Variants in TUBB8B observed in about 807,000 individuals in gnomAD.
The protein encoded by TUBB8B is HSA18p11 beta-tubulin 4Q pseudogene.
TUBB8B carries 26 observed loss-of-function variants against 31.9 expected under a neutral mutation model. The ratio of observed to expected loss-of-function variants is 0.81; its 90% CI spans 0.60 to 1.13. TUBB8B has a LOEUF of 1.13. Ranked by LOEUF, TUBB8B falls within the 50% of genes most tolerant of loss-of-function variation. The probability of loss-of-function intolerance (pLI) is 0.00; values close to 1 mark genes in which losing one functional copy is unlikely to be tolerated. For synonymous variants in TUBB8B, 173 were observed against 231.0 expected (o/e 0.75, Z 2.28); for missense variants, 467 against 586.7 (o/e 0.80, Z 2.11).
At position 47,986 on chromosome 18, in the gene TUBB8B, T is replaced by TCA. The variant is rs1905751928; in HGVS notation, c.737_738dup (p.Asn247Ter). On this transcript the variant is annotated frameshift_variant, in exon 4 of 4. Transcript: ENST00000308911. LOFTEE classifies it high-confidence loss of function. ...ACGGCCAGCTTCCGCAGGTCAGCATTCAGCTGGCCTGGGAAGCGCAGGCAT... is the reference window on the plus strand; with the variant it reads ...ACGGCCAGCTTCCGCAGGTCAGCATTCACAGCTGGCCTGGGAAGCGCAGGCAT... 1 of 1,611,938 alleles carries TCA rather than the reference T, an allele frequency of 6.2e-7. No individual in the cohort carries two copies. The highest frequency in any genetic ancestry group is 1.3e-5 in the African/African-American group (1 of 74,902).
chr18:69,776 A>G, the TUBB8B span, among the ~76,000 whole-genome samples: 2 of 152,266 alleles, frequency 1.3e-5, no homozygotes, highest in Non-Finnish European at 2.9e-5. Flanking sequence ...TATTTTTAAA[A>G]TATTATTGAT....
At chr18:66,969 T>C in the TUBB8B span, among the ~76,000 whole-genome samples, 1 of 151,890 alleles carries the variant, frequency 6.6e-6, no homozygotes, top group Non-Finnish European at 1.5e-5. Context: ...AAATTTTCCA[T>C]GTACAAGTTA....
At chr18:49,780 T>C, upstream of TUBB8B, 1 of 659,406 alleles carries the variant, frequency 1.5e-6, no homozygotes, top group Non-Finnish European at 2.8e-6. Flanking sequence ...GTCCTTGCTA[T>C]GGTCCCTTCC....
the TUBB8B span, among the ~76,000 whole-genome samples, chr18:56,026 G>T: frequency 6.6e-6 from 1 of 151,992 alleles, no homozygotes; most frequent in South Asian, 2.1e-4. Flanking sequence ...AAGAAATAGT[G>T]TTGTAGTTTC....
At chr18:56,580 T>C in the TUBB8B span, among the ~76,000 whole-genome samples, 1,244 of 152,020 alleles carry the variant, frequency 8.2e-3, 22 homozygotes, top group African/African-American at 0.012. Flanking sequence ...TTTGTGGCTA[T>C]TGCAAATAGG....
chr18:58,019 G>GGCA, the TUBB8B span, among the ~76,000 whole-genome samples: 3 of 151,730 alleles, frequency 2.0e-5, 1 homozygote, highest in Non-Finnish European at 2.9e-5. Flanking sequence ...GGCTACCCAA[G>GGCA]GCAGCAGTTC....
At chr18:61,564 T>G in the TUBB8B span, among the ~76,000 whole-genome samples, 2 of 151,658 alleles carry the variant, frequency 1.3e-5, no homozygotes, top group Non-Finnish European at 2.9e-5. Flanking sequence ...AGGTGATTTA[T>G]ATTTTAATAT....
chr18:49,187 G>A lies in TUBB8B; in HGVS notation c.108C>T (p.Tyr36=), dbSNP rs774699438. Residue 36 remains tyrosine, a synonymous_variant, in exon 2 of 4, where the codon TAC becomes TAT. Transcript: ENST00000308911. ...CCAGCTGCAGGTGGCTGTCCCCGTG[G>A]TAGGTGCCAGCGGAGTCGATGGCAT... ...DEHAIDSAGT[Y]HGDSHLQLER... 9.9e-6 allele frequency: 15 copies of A among 1,522,694 alleles called. No individual in the cohort carries two copies. The South Asian group carries it at 1.7e-4, about 17-fold the overall frequency. 94.3% of individuals were successfully genotyped at this position (1,522,694 alleles called of 1,614,324 possible).
chr18:48,183 T>TCCA lies in TUBB8B; in HGVS notation c.539_541dup (p.Val180dup). On this transcript the variant is annotated inframe_insertion, in exon 4 of 4. Coordinates refer to ENST00000308911, the MANE Select transcript of TUBB8B (RefSeq NM_001358689.2). ...GACTGAGAGGGTGGCGTTGTAGGGCTCCACCACGGTGTCCGACACCTTGGG... is the reference window on the plus strand; with the variant it reads ...GACTGAGAGGGTGGCGTTGTAGGGCTCCACCACCACGGTGTCCGACACCTTGGG... 6.2e-7 allele frequency: 1 copy of TCCA among 1,612,344 alleles called. No individual in the cohort carries two copies. The highest frequency in any genetic ancestry group is 8.5e-7 in the Non-Finnish European group (1 of 1,178,300).
Position 48,050 on chromosome 18 carries a change from C to A in TUBB8B, c.675G>T (p.Leu225=), listed in dbSNP as rs1905765177. 1.2e-6 allele frequency: 2 copies of A among 1,613,332 alleles called. No homozygotes were observed. The highest frequency in any genetic ancestry group is 1.7e-6 in the Non-Finnish European group (2 of 1,179,894). The change falls in exon 4 of 4, where the codon CTG becomes CTT. Residue 225 remains leucine (L), a synonymous_variant. Transcript: ENST00000308911. ...TCATGGTAGCAGACACCAGGTGGTT[C>A]AGGTCACCATAGGTGGGTGTGGGCA... ...LKLPTPTYGD[L]NHLVSATMSG...
chr18:71,158 G>A, the TUBB8B span, among the ~76,000 whole-genome samples: 1 of 151,760 alleles, frequency 6.6e-6, no homozygotes, highest in African/African-American at 2.4e-5. Flanking sequence ...TGGAGCCCGG[G>A]AGGTTGAGGC....
At chr18:56,843 T>C in the TUBB8B span, among the ~76,000 whole-genome samples, 1 of 151,934 alleles carries the variant, frequency 6.6e-6, no homozygotes. Flanking sequence ...CTTCTGCTTC[T>C]GGTCAAGCCT....
chr18:60,443 C>A, the TUBB8B span, among the ~76,000 whole-genome samples: 1 of 151,416 alleles, frequency 6.6e-6, no homozygotes, highest in Admixed American at 6.6e-5. Context: ...TGATCTTTTG[C>A]ACTGTTTTCT....
chr18:61,699 A>G, the TUBB8B span, among the ~76,000 whole-genome samples: 3 of 151,352 alleles, frequency 2.0e-5, no homozygotes, highest in Non-Finnish European at 4.4e-5. Flanking sequence ...CATTGATTGC[A>G]TAAACAAAGA....
At chr18:68,136 T>A in the TUBB8B span, among the ~76,000 whole-genome samples, 5 of 152,192 alleles carry the variant, frequency 3.3e-5, no homozygotes, top group African/African-American at 1.2e-4. Flanking sequence ...ATGTCGTCTC[T>A]GCTTTATTGC....
rs373228141 is a variant in TUBB8B at position 49,445 on chromosome 18, T to C, written c.57+56A>G. ...GGCACCGCTCCCGCCACTGCCAACA[T>C]CTTCCCCAGCCACCCGGCAGGCCCG... is the stretch of plus-strand genomic sequence containing the variant. On this transcript the variant is annotated intron_variant, in intron 1 of 3. Coordinates refer to ENST00000308911, the MANE Select transcript of TUBB8B (RefSeq NM_001358689.2). The C allele has an allele frequency of 5.5e-4, 519 of 936,082 alleles. 8 individuals are homozygous for C. In the East Asian group the frequency reaches 9.9e-3, roughly 18 times the overall value. 58.0% of individuals were successfully genotyped at this position (936,082 alleles called of 1,614,324 possible).
the TUBB8B span, among the ~76,000 whole-genome samples, chr18:69,433 G>A: frequency 6.6e-6 from 1 of 152,222 alleles, no homozygotes; most frequent in Admixed American, 6.5e-5. Flanking sequence ...ACTCCAGCCT[G>A]GGCAATCGGG....
chr18:62,773 C>T, the TUBB8B span, among the ~76,000 whole-genome samples: 3 of 151,784 alleles, frequency 2.0e-5, no homozygotes, highest in Admixed American at 2.0e-4. Context: ...AGGCCAATAA[C>T]TCTTAGATTC....
In TUBB8B at chr18:49,226, C is replaced by T. The variant is rs541229605; in HGVS notation, c.69G>A (p.Val23=). Reference sequence around the variant, plus strand: ...AGTCGATGGCATGTTCATCAGAGATCACCTCCCAGAACTGCAAGAGACGGG... The same window carrying T: ...AGTCGATGGCATGTTCATCAGAGATTACCTCCCAGAACTGCAAGAGACGGG... ...GNQIGAKFWE[V]ISDEHAIDSA... Residue 23 remains valine (V), a synonymous_variant, in exon 2 of 4, where the codon GTG becomes GTA. Coordinates refer to ENST00000308911, the MANE Select transcript of TUBB8B (RefSeq NM_001358689.2). 6.5e-7 allele frequency: 1 copy of T among 1,535,482 alleles called. No homozygotes were observed. The highest frequency in any genetic ancestry group is 8.7e-7 in the Non-Finnish European group (1 of 1,144,980).
Sources: allele counts gnomAD v4.1 joint callset (sites outside exome capture counted in the v4.1 genomes callset), GRCh38; gene constraint gnomAD v4.1.1; transcripts MANE v1.5; gene names NCBI Gene and HGNC (gene_info 2026-07-23, HGNC 2026-07-21).